Variants in TMCO4 observed in about 807,000 individuals in gnomAD.
The protein encoded by TMCO4 is transmembrane and coiled-coil domains 4, also known as transmembrane and coiled-coil domain-containing protein 4.
A neutral mutation model predicts 64.7 loss-of-function variants in TMCO4; 58 were observed. That is an observed-to-expected ratio of 0.90 (90% CI 0.73 to 1.12). The LOEUF (loss-of-function observed/expected upper bound fraction) is 1.12, where lower values mean the gene tolerates loss of function less well. Among genes scored for constraint, TMCO4 ranks in the 50% most tolerant of loss-of-function variants. The pLI is 0.00. For synonymous variants in TMCO4, 325 were observed against 346.1 expected, an observed-to-expected ratio of 0.94 and a Z score of 0.68; for missense variants, 780 against 825.9, an observed-to-expected ratio of 0.94 and a Z score of 0.68.
chr1:19,764,473 A>C (rs1296364888), intron 6 of TMCO4, among the ~76,000 whole-genome samples: 1 of 152,258 alleles, frequency 6.6e-6, no homozygotes, highest in Non-Finnish European at 1.5e-5. Context: ...TCAGTGCCTC[A>C]CACGGGGCCG....
At chr1:19,729,102 G>A (rs1385117976) in intron 13 of TMCO4, among the ~76,000 whole-genome samples, 3 of 152,092 alleles carry the variant, frequency 2.0e-5, no homozygotes, top group Admixed American at 2.0e-4. Context: ...CAGAAAGAGT[G>A]AATAAGACCT....
chr1:19,742,038 A>C (rs1883572), intron 10 of TMCO4, among the ~76,000 whole-genome samples: 27,200 of 151,848 alleles, frequency 0.18, 2,991 homozygotes, highest in African/African-American at 0.3. Flanking sequence ...GCGCCCGGCG[A>C]AAGTGACTTT....
chr1:19,706,799 C>T (rs1207026046), intron 13 of TMCO4, among the ~76,000 whole-genome samples: 1 of 152,170 alleles, frequency 6.6e-6, no homozygotes, highest in Non-Finnish European at 1.5e-5. Context: ...CTTTCTTTGC[C>T]TCTACCTCTT....
chr1:19,683,982 G>A (rs1027974909), intron 15 of TMCO4, among the ~76,000 whole-genome samples: 20 of 148,762 alleles, frequency 1.3e-4, no homozygotes, highest in Non-Finnish European at 2.5e-4. Context: ...GGCTGGTCTC[G>A]AACTCCTGGC....
chr1:19,717,716 T>C (rs1415275965), intron 13 of TMCO4, among the ~76,000 whole-genome samples: 1 of 152,184 alleles, frequency 6.6e-6, no homozygotes, highest in Non-Finnish European at 1.5e-5. Flanking sequence ...CTTCAAAGCC[T>C]GCCCTCTCCT....
At chr1:19,754,680 G>A (rs547374198) in intron 7 of TMCO4, among the ~76,000 whole-genome samples, 4 of 152,212 alleles carry the variant, frequency 2.6e-5, no homozygotes, top group Admixed American at 6.5e-5. Context: ...TGTGTAAAGC[G>A]TTCTGCAAAG....
At chr1:19,744,971 G>A (rs191660450) in intron 10 of TMCO4, among the ~76,000 whole-genome samples, 4 of 152,120 alleles carry the variant, frequency 2.6e-5, no homozygotes, top group East Asian at 1.9e-4. Context: ...TATAAATACC[G>A]CTACATGGAC....
intron 3 of TMCO4, 107 bp downstream of exon 3, chr1:19,786,918 TG>T (rs945107492): frequency 8.5e-5 from 13 of 152,056 alleles, no homozygotes; most frequent in African/African-American, 3.1e-4. Flanking sequence ...ACCCCTTAAT[TG>T]GGAGATTATA....
Position 19,792,788 on chromosome 1 carries a change from T to TTTC in TMCO4, c.-101+5348_-101+5349insGAA, listed in dbSNP as rs869032810. Among the ~76,000 whole-genome samples the TTTC allele has an allele frequency of 5.4e-5, 8 of 147,166 alleles. No homozygotes were observed. The South Asian group carries it at 1.1e-3, about 20-fold the overall frequency. Reference sequence around the variant, plus strand: ...CAATTTTTTTTTTTTTTTTTTTTTTTCAGACAAAGTCTTGTTCTGTTTCCC... The same window carrying TTTC: ...CAATTTTTTTTTTTTTTTTTTTTTTTTTCCAGACAAAGTCTTGTTCTGTTTCCC... On this transcript the variant is annotated intron_variant, in intron 2 of 15. Transcript: ENST00000294543.
intron 10 of TMCO4, among the ~76,000 whole-genome samples, chr1:19,741,470 CT>C (rs2095478686): frequency 6.6e-6 from 1 of 152,102 alleles, no homozygotes; most frequent in Non-Finnish European, 1.5e-5. Context: ...GAGCCCGGCT[CT>C]GTTATGATCT....
chr1:19,718,170 TA>T (rs1192397896), intron 13 of TMCO4, among the ~76,000 whole-genome samples: 2 of 151,708 alleles, frequency 1.3e-5, no homozygotes, highest in Non-Finnish European at 2.9e-5. Flanking sequence ...CCGTCTCTAC[TA>T]AAAATACAAA....
At chr1:19,707,163 A>C (rs921683155) in intron 13 of TMCO4, among the ~76,000 whole-genome samples, 4 of 152,152 alleles carry the variant, frequency 2.6e-5, no homozygotes, top group Non-Finnish European at 5.9e-5. Context: ...TCCCTCTTTG[A>C]AATGGTTTGG....
intron 15 of TMCO4, among the ~76,000 whole-genome samples, chr1:19,689,343 G>A (rs1020153008): frequency 2.6e-5 from 4 of 152,204 alleles, no homozygotes; most frequent in South Asian, 2.1e-4. Flanking sequence ...AAGCTGCCAC[G>A]AAGACAGCCT....
intron 6 of TMCO4, among the ~76,000 whole-genome samples, chr1:19,762,974 T>A (rs1193981599): frequency 6.6e-6 from 1 of 152,242 alleles, no homozygotes; most frequent in East Asian, 1.9e-4. Flanking sequence ...GGTTTAAATC[T>A]TGATCTAAGT....
intron 15 of TMCO4, among the ~76,000 whole-genome samples, chr1:19,686,857 T>G (rs2095153209): frequency 6.6e-6 from 1 of 152,246 alleles, no homozygotes; most frequent in Admixed American, 6.5e-5. Flanking sequence ...ATGATTGCTA[T>G]AAGGAGTTCA....
At chr1:19,735,321 C>A (rs765342451) in intron 13 of TMCO4, among the ~76,000 whole-genome samples, 1 of 152,190 alleles carries the variant, frequency 6.6e-6, no homozygotes, top group Non-Finnish European at 1.5e-5. Context: ...TTTGAGGAAG[C>A]TGAGGCCCAG....
intron 14 of TMCO4, among the ~76,000 whole-genome samples, chr1:19,696,561 AAAC>A (rs2095238631): frequency 6.6e-6 from 1 of 152,034 alleles, no homozygotes; most frequent in Middle Eastern, 3.4e-3. Flanking sequence ...AAAAAACAAA[AAAC>A]AAAAAACTAA....
intron 14 of TMCO4, among the ~76,000 whole-genome samples, chr1:19,700,024 G>A (rs1008464136): frequency 8.5e-5 from 13 of 152,140 alleles, no homozygotes; most frequent in Non-Finnish European, 1.6e-4. Flanking sequence ...CTGTTGCTCT[G>A]AAAACACGTT....
In TMCO4 at chr1:19,700,812, AG is replaced by A; in HGVS notation, c.1337del (p.Pro446LeufsTer21). 5.0e-6 allele frequency: 8 copies of A among 1,614,236 alleles called. No individual in the cohort carries two copies. The highest frequency in any genetic ancestry group is 6.8e-6 in the Non-Finnish European group (8 of 1,180,030). ...PVEGEAKHWEPFRKVVSGRII... is the reference protein window; with the variant it reads ...PVEGEAKHWEXFRKVVSGRII... ...TCCTCCCGGACACCACCTTCCGGAA[AG>A]GCTCCCAATGCTTGGCTTCTCCCTC... On this transcript the variant is annotated frameshift_variant, in exon 14 of 16. Coordinates refer to ENST00000294543, the MANE Select transcript of TMCO4 (RefSeq NM_181719.7). LOFTEE classifies it high-confidence loss of function.
Sources: gnomAD v4.1 joint callset for allele counts (sites outside exome capture counted in the v4.1 genomes callset) on GRCh38, gnomAD v4.1.1 for gene constraint, MANE v1.5 for transcripts, NCBI Gene and HGNC (gene_info 2026-07-23, HGNC 2026-07-21) for gene names.